MGAT4C: variants seen among roughly 807,000 people sequenced by gnomAD.
MGAT4C encodes alpha-1,3-mannosyl-glycoprotein 4-beta-N-acetylglucosaminyltransferase C.
A neutral mutation model predicts 40.1 loss-of-function variants in MGAT4C; 19 were observed. The observed-to-expected ratio is 0.47, with a 90% CI of 0.33 to 0.70. The LOEUF is 0.70. Among genes scored for constraint, MGAT4C ranks in the 30% least tolerant of loss-of-function variants. The pLI, the probability that MGAT4C is intolerant of heterozygous loss-of-function variation, is 0.02. For missense variants in MGAT4C, 491 were observed against 563.2 expected, an observed-to-expected ratio of 0.87 and a Z score of 1.30; for synonymous variants, 181 against 187.1, an observed-to-expected ratio of 0.97 and a Z score of 0.27.
chr12:86,090,559 T>TGTAAATA (rs1432895666), intron 1 of MGAT4C, among the ~76,000 whole-genome samples: 1 of 151,888 alleles, frequency 6.6e-6, no homozygotes, highest in Admixed American at 6.6e-5. Flanking sequence ...GTAAATATTC[T>TGTAAATA]TTACTTTTTT....
intron 1 of MGAT4C, among the ~76,000 whole-genome samples, chr12:86,796,888 A>G (rs1952133167): frequency 6.6e-6 from 1 of 151,934 alleles, no homozygotes; most frequent in Non-Finnish European, 1.5e-5. Flanking sequence ...ATCATGTCAT[A>G]CTTAGTACAA....
chr12:86,806,449 T>TGTGTGA lies in MGAT4C; in HGVS notation c.-262+32216_-262+32217insTCACAC, dbSNP rs5799800. On this transcript the variant is annotated intron_variant, in intron 1 of 7. Coordinates refer to the MGAT4C transcript ENST00000548651. ...TTACATCTGTGTGTGTGTGTGTGTG[T>TGTGTGA]GAGAGAGAGAGTATATGTGTGTTTA... is the stretch of plus-strand genomic sequence containing the variant. Among the ~76,000 whole-genome samples the TGTGTGA allele has an allele frequency of 2.1e-3, 320 of 150,056 alleles. 2 individuals carry two copies. The East Asian group carries it at 0.024, about 11-fold the overall frequency.
At chr12:86,003,755 A>G (rs552188143) in intron 2 of MGAT4C, among the ~76,000 whole-genome samples, 1 of 152,086 alleles carries the variant, frequency 6.6e-6, no homozygotes, top group Admixed American at 6.5e-5. Context: ...TGTGAAGAAG[A>G]AGAAGAAGAA....
intron 1 of MGAT4C, among the ~76,000 whole-genome samples, chr12:86,822,232 A>G (rs976615852): frequency 2.0e-5 from 3 of 151,118 alleles, no homozygotes; most frequent in Admixed American, 6.6e-5. Context: ...GAAGGAATCA[A>G]AGTTTATCAC....
intron 2 of MGAT4C, among the ~76,000 whole-genome samples, chr12:86,511,612 A>G (rs1230784864): frequency 6.6e-6 from 1 of 152,164 alleles, no homozygotes; most frequent in African/African-American, 2.4e-5. Context: ...TATACAGTCA[A>G]CTGATCTTTG....
intron 1 of MGAT4C, among the ~76,000 whole-genome samples, chr12:86,146,119 A>C (rs1340396279): frequency 6.6e-6 from 1 of 152,200 alleles, no homozygotes; most frequent in African/African-American, 2.4e-5. Flanking sequence ...CAATATTTAC[A>C]TAGCAAAATA....
intron 2 of MGAT4C, among the ~76,000 whole-genome samples, chr12:86,611,232 A>G (rs2136474658): frequency 6.6e-6 from 1 of 152,254 alleles, no homozygotes; most frequent in East Asian, 1.9e-4. Context: ...AAATTGAAAC[A>G]TTTTGAAATA....
At chr12:86,085,630 A>C (rs542405693) in intron 1 of MGAT4C, among the ~76,000 whole-genome samples, 1 of 152,196 alleles carries the variant, frequency 6.6e-6, no homozygotes, top group South Asian at 2.1e-4. Flanking sequence ...AAATTGTTTC[A>C]ATGTATCCAT....
intron 1 of MGAT4C, among the ~76,000 whole-genome samples, chr12:86,182,122 C>T (rs1888196989): frequency 6.6e-6 from 1 of 152,022 alleles, no homozygotes; most frequent in Admixed American, 6.6e-5. Context: ...TTGTCTTCCC[C>T]ATCCTCTTGG....
At chr12:86,146,022 A>G (rs185320088) in intron 1 of MGAT4C, among the ~76,000 whole-genome samples, 1 of 152,310 alleles carries the variant, frequency 6.6e-6, no homozygotes, top group Admixed American at 6.5e-5. Flanking sequence ...GGGGAACACT[A>G]AAAATATGTT....
chr12:86,739,324 T>A (rs1951031322), intron 1 of MGAT4C, among the ~76,000 whole-genome samples: 1 of 150,718 alleles, frequency 6.6e-6, no homozygotes, highest in Admixed American at 6.6e-5. Flanking sequence ...AAAGAGTAAA[T>A]TTCCAAATTC....
At chr12:86,151,309 G>A (rs1012131481) in intron 1 of MGAT4C, among the ~76,000 whole-genome samples, 1 of 89,982 alleles carries the variant, frequency 1.1e-5, no homozygotes, top group Non-Finnish European at 2.7e-5. Context: ...AACACACAGC[G>A]GAAAAAAAAA....
At chr12:86,410,541 C>T (rs1434477748) in intron 3 of MGAT4C, among the ~76,000 whole-genome samples, 3 of 152,142 alleles carry the variant, frequency 2.0e-5, no homozygotes, top group African/African-American at 7.2e-5. Context: ...CCTAAAATCG[C>T]TGTTATTCTG....
chr12:85,988,658 C>T (rs1885528650), intron 3 of MGAT4C, among the ~76,000 whole-genome samples: 1 of 151,886 alleles, frequency 6.6e-6, no homozygotes, highest in Non-Finnish European at 1.5e-5. Flanking sequence ...GTATTAATCT[C>T]ATCAGACATG....
intron 1 of MGAT4C, among the ~76,000 whole-genome samples, chr12:86,743,481 G>A (rs965210969): frequency 6.6e-6 from 1 of 151,466 alleles, no homozygotes; most frequent in African/African-American, 2.4e-5. Flanking sequence ...TGTTTAGAAA[G>A]TATTGGCACA....
At chr12:86,700,756 A>G (rs2136614719) in intron 2 of MGAT4C, among the ~76,000 whole-genome samples, 1 of 152,230 alleles carries the variant, frequency 6.6e-6, no homozygotes, top group East Asian at 1.9e-4. Context: ...ATTCTTGCAA[A>G]TATTTTTATT....
intron 3 of MGAT4C, among the ~76,000 whole-genome samples, chr12:85,989,051 A>C (rs1885579663): frequency 6.6e-6 from 1 of 152,052 alleles, no homozygotes; most frequent in Non-Finnish European, 1.5e-5. Context: ...GCAAGGAGTT[A>C]TACTTTCTAA....
At chr12:86,680,393 G>A (rs1040699885) in intron 2 of MGAT4C, among the ~76,000 whole-genome samples, 11 of 151,770 alleles carry the variant, frequency 7.2e-5, no homozygotes, top group Non-Finnish European at 1.5e-4. Context: ...AGGAGAATGG[G>A]GCTAAGAGAG....
rs115982533 is a variant in MGAT4C at position 86,096,826 on chromosome 12, T to C, written c.-56-47103A>G. ...TACCCTAGTTTATCTGTAGAGGGGA[T>C]TCTTCCACCTAAATCCCATATAATA... On this transcript the variant is annotated intron_variant, in intron 1 of 4. Transcript: ENST00000611864. Among the ~76,000 whole-genome samples, 490 of 151,704 alleles carry C rather than the reference T, an allele frequency of 3.2e-3. 4 individuals carry two copies. The highest frequency in any genetic ancestry group is 0.011 in the African/African-American group (460 of 41,512).
Sources: gnomAD v4.1 joint callset for allele counts (sites outside exome capture counted in the v4.1 genomes callset) on GRCh38, gnomAD v4.1.1 for gene constraint, MANE v1.5 for transcripts, NCBI Gene and HGNC (gene_info 2026-07-23, HGNC 2026-07-21) for gene names.